The following LRRC7 variants were observed in gnomAD, a reference collection of about 807,000 sequenced individuals.
The protein encoded by LRRC7 is leucine-rich repeat-containing protein 7.
In LRRC7, 23 loss-of-function variants were observed where a neutral mutation model predicts 175.7. That is an observed-to-expected ratio of 0.13 (90% CI 0.09 to 0.19). The LOEUF is 0.19. LRRC7 is among the 10% of genes least tolerant of loss of function. The pLI, the probability that LRRC7 is intolerant of heterozygous loss-of-function variation, is 1.00. For synonymous variants in LRRC7, 685 were observed against 680.9 expected, an observed-to-expected ratio of 1.01 and a Z score of -0.09; for missense variants, 1,354 against 1,904.7, an observed-to-expected ratio of 0.71 and a Z score of 5.38.
intron 23 of LRRC7, among the ~76,000 whole-genome samples, chr1:70,057,107 T>G (rs537883003): frequency 2.6e-5 from 4 of 152,206 alleles, no homozygotes; most frequent in Non-Finnish European, 5.9e-5. Context: ...CCTACTATTA[T>G]GATAAGCAGG....
At chr1:69,597,516 C>G (rs1232787881) in intron 1 of LRRC7, among the ~76,000 whole-genome samples, 1 of 152,140 alleles carries the variant, frequency 6.6e-6, no homozygotes, top group East Asian at 1.9e-4. Flanking sequence ...TTAAAAATTT[C>G]CATTAAATGA....
At position 69,831,547 on chromosome 1, in the gene LRRC7, G is replaced by C. The variant is rs148806610; in HGVS notation, c.501-3233G>C. On this transcript the variant is annotated intron_variant, in intron 5 of 26. Transcript: ENST00000651989. The stretch of plus-strand genomic sequence containing the variant: ...GGATACTCTCATACATAAAGTATTT[G>C]CTGCAGAACTCATCTTCTCTTTGTT... Among the ~76,000 whole-genome samples the C allele has an allele frequency of 2.2e-3, 340 of 152,078 alleles. 1 individual carries two copies. Among genetic ancestry groups the C allele is most frequent in the African/African-American group, 7.8e-3 (323 of 41,518 alleles).
At chr1:69,746,744 G>A (rs987293211) in intron 2 of LRRC7, among the ~76,000 whole-genome samples, 15 of 152,118 alleles carry the variant, frequency 9.9e-5, no homozygotes, top group African/African-American at 2.9e-4. Flanking sequence ...ATAAGTCTAT[G>A]CCAGAGTTGG....
chr1:69,926,043 T>C (rs1466679187), intron 7 of LRRC7, among the ~76,000 whole-genome samples: 3 of 152,196 alleles, frequency 2.0e-5, no homozygotes, highest in South Asian at 2.1e-4. Flanking sequence ...TATTTCTGCC[T>C]TCATTTTGTT....
At chr1:69,794,619 A>G (rs1181824731) in intron 4 of LRRC7, among the ~76,000 whole-genome samples, 1 of 152,194 alleles carries the variant, frequency 6.6e-6, no homozygotes, top group Non-Finnish European at 1.5e-5. Flanking sequence ...TATATGGACA[A>G]TTATCACATT....
chr1:69,910,775 G>A (rs1646499433), intron 7 of LRRC7, among the ~76,000 whole-genome samples: 1 of 152,226 alleles, frequency 6.6e-6, no homozygotes, highest in Non-Finnish European at 1.5e-5. Context: ...CTGTCTTTTT[G>A]TTTGTCTGTG....
chr1:69,813,154 G>C (rs372550100), intron 4 of LRRC7, among the ~76,000 whole-genome samples: 2 of 152,048 alleles, frequency 1.3e-5, no homozygotes, highest in South Asian at 2.1e-4. Flanking sequence ...CAACATCGAT[G>C]TTTTCTCTGC....
At chr1:69,908,256 A>G (rs1047075494) in intron 7 of LRRC7, among the ~76,000 whole-genome samples, 11 of 151,956 alleles carry the variant, frequency 7.2e-5, no homozygotes, top group African/African-American at 2.4e-4. Context: ...TTGTGTCTCT[A>G]TCTCCTTCAG....
chr1:69,659,563 C>T (rs1467543313), intron 1 of LRRC7, among the ~76,000 whole-genome samples: 1 of 149,810 alleles, frequency 6.7e-6, no homozygotes, highest in Admixed American at 6.7e-5. Flanking sequence ...TGAATAATAA[C>T]TGATATCTCA....
At chr1:69,584,184 A>G (rs891911141) in intron 1 of LRRC7, among the ~76,000 whole-genome samples, 1 of 152,112 alleles carries the variant, frequency 6.6e-6, no homozygotes, top group Admixed American at 6.6e-5. Context: ...ATAGTTTCGG[A>G]GGCAAAGGTG....
chr1:69,817,006 G>T (rs904350312), intron 4 of LRRC7, among the ~76,000 whole-genome samples: 6 of 152,000 alleles, frequency 3.9e-5, no homozygotes, highest in African/African-American at 7.2e-5. Flanking sequence ...ATATTTCATT[G>T]TGCACATATA....
At chr1:69,780,306 C>T (rs998069346) in intron 3 of LRRC7, among the ~76,000 whole-genome samples, 3 of 152,120 alleles carry the variant, frequency 2.0e-5, no homozygotes, top group African/African-American at 7.2e-5. Flanking sequence ...TTTGCAAAGC[C>T]ATCTCTCTGC....
chr1:70,024,841 A>G (rs1449390810), intron 17 of LRRC7, among the ~76,000 whole-genome samples: 1 of 152,194 alleles, frequency 6.6e-6, no homozygotes, highest in Non-Finnish European at 1.5e-5. Flanking sequence ...GGCATAAAAT[A>G]TGCTTGCATA....
intron 23 of LRRC7, among the ~76,000 whole-genome samples, chr1:70,069,566 CTCCTTCTTGCTTGCTTCTTGAATT>C (rs1662230164): frequency 6.6e-6 from 1 of 152,130 alleles, no homozygotes; most frequent in Non-Finnish European, 1.5e-5. Context: ...CTTCTTGAAT[CTCCTTCTTGCTTGCTTCTTGAATT>C]TCCTTCTTGC....
intron 1 of LRRC7, among the ~76,000 whole-genome samples, chr1:69,667,249 C>T (rs1396339339): frequency 6.8e-6 from 1 of 147,604 alleles, no homozygotes; most frequent in Non-Finnish European, 1.5e-5. Context: ...GAGAATGATC[C>T]ATGTGCTGAG....
At position 70,141,327 on chromosome 1, in the gene LRRC7, T is replaced by C. The variant is rs1292201690; in HGVS notation, c.*19440T>C. 5 of 152,100 alleles carry C rather than the reference T, an allele frequency of 3.3e-5. No homozygotes were observed. Among genetic ancestry groups the C allele is most frequent in the South Asian group, 2.1e-4 (1 of 4,834 alleles). The allele number at this position is 152,100 out of a possible 1,614,324, so 9.4% of individuals were successfully genotyped here. A position where few individuals can be genotyped will look rare whatever the true frequency, so the allele number is the denominator to read the frequency against. On this transcript the variant is annotated 3_prime_UTR_variant, in exon 27 of 27. Coordinates refer to ENST00000651989, the MANE Select transcript of LRRC7 (RefSeq NM_001370785.2). ...GAAAGGGAGCCTGCAAATGAGACAATAGCTTCATGCAGACTTTGGCCCAAC... is the reference window on the plus strand; with the variant it reads ...GAAAGGGAGCCTGCAAATGAGACAACAGCTTCATGCAGACTTTGGCCCAAC...
chr1:69,725,184 T>C, intron 2 of LRRC7, among the ~76,000 whole-genome samples: 1 of 152,250 alleles, frequency 6.6e-6, no homozygotes, highest in South Asian at 2.1e-4. Context: ...GAGAAAAATA[T>C]ATATACTGTT....
At chr1:69,600,796 G>GTTCTTTT (rs1557463083) in intron 1 of LRRC7, among the ~76,000 whole-genome samples, 8 of 26,360 alleles carry the variant, frequency 3.0e-4, no homozygotes, top group African/African-American at 5.5e-4. Flanking sequence ...AGGATCTCTG[G>GTTCTTTT]TTTCTTTTTT....
At chr1:69,775,757 A>G (rs980379434) in intron 3 of LRRC7, among the ~76,000 whole-genome samples, 5 of 152,234 alleles carry the variant, frequency 3.3e-5, no homozygotes, top group Admixed American at 2.0e-4. Context: ...TTACAGAATC[A>G]AATGCGAAAT....
Sources: gnomAD v4.1 joint callset for allele counts (sites outside exome capture counted in the v4.1 genomes callset) on GRCh38, gnomAD v4.1.1 for gene constraint, MANE v1.5 for transcripts, NCBI Gene and HGNC (gene_info 2026-07-23, HGNC 2026-07-21) for gene names.